P2RY8: variants seen among roughly 807,000 people sequenced by gnomAD.
P2RY8 encodes the protein P2Y receptor family member 8.
In P2RY8, 6 loss-of-function variants were observed where a neutral mutation model predicts 10.0. The observed-to-expected ratio is 0.60, with a 90% CI of 0.33 to 1.19. The LOEUF is 1.19. Among genes scored for constraint, P2RY8 ranks in the 50% most tolerant of loss-of-function variants. P2RY8 has a pLI of 0.04. For synonymous variants in P2RY8, 276 were observed against 252.5 expected (o/e 1.09, Z -0.88); for missense variants, 456 against 542.0 (o/e 0.84, Z 1.58).
Position 1,464,921 on chromosome X carries a change from C to T in P2RY8, c.*558G>A. ...AAATAAACAGAAATTTCGGCGTGCA[C>T]CGGGCTACGGAGACCAGAACCCCTG... On this transcript the variant is annotated 3_prime_UTR_variant, in exon 2 of 2. Coordinates refer to ENST00000381297, the MANE Select transcript of P2RY8 (RefSeq NM_178129.5). 4.3e-6 allele frequency: 1 copy of T among 234,900 alleles called. No homozygotes were observed. The highest frequency in any genetic ancestry group is 8.4e-6 in the Non-Finnish European group (1 of 119,280). The allele number at this position is 234,900 out of a possible 1,614,324, so 14.6% of individuals were successfully genotyped here. A position where few individuals can be genotyped will look rare whatever the true frequency, so the allele number is the denominator to read the frequency against.
chrX:1,467,193 C>G (rs1422977956), intron 1 of P2RY8, among the ~76,000 whole-genome samples: 1 of 152,164 alleles, frequency 6.6e-6, no homozygotes, highest in Non-Finnish European at 1.5e-5. Flanking sequence ...AGAAAACACA[C>G]ACTCCGAGTG....
chrX:1,516,362 A>G (rs1413503930), intron 1 of P2RY8, among the ~76,000 whole-genome samples: 1 of 152,154 alleles, frequency 6.6e-6, no homozygotes, highest in Admixed American at 6.5e-5. Flanking sequence ...CGGTGTCTAC[A>G]AGCCCAGGAG....
intron 1 of P2RY8, among the ~76,000 whole-genome samples, chrX:1,473,377 G>A (rs2091821350): frequency 8.5e-6 from 1 of 118,332 alleles, no homozygotes. Context: ...GGGTGAGTGG[G>A]TGGGTGGGTG....
intron 1 of P2RY8, among the ~76,000 whole-genome samples, chrX:1,502,083 G>T (rs2149398262): frequency 6.6e-6 from 1 of 151,792 alleles, no homozygotes; most frequent in South Asian, 2.1e-4. Context: ...GCTCATTTTT[G>T]TATTATTAGT....
chrX:1,475,387 G>T (rs1466421278), intron 1 of P2RY8, among the ~76,000 whole-genome samples: 3 of 152,062 alleles, frequency 2.0e-5, no homozygotes, highest in Admixed American at 2.0e-4. Flanking sequence ...ACCAGAAGCT[G>T]CAGCAAAGCT....
chrX:1,498,638 C>T (rs1162767991), intron 1 of P2RY8, among the ~76,000 whole-genome samples: 1 of 151,014 alleles, frequency 6.6e-6, no homozygotes, highest in Non-Finnish European at 1.5e-5. Context: ...CTGCCTCAGC[C>T]TCCTGAGTAG....
At chrX:1,504,088 C>A (rs748050646) in intron 1 of P2RY8, among the ~76,000 whole-genome samples, 1 of 151,690 alleles carries the variant, frequency 6.6e-6, no homozygotes, top group Non-Finnish European at 1.5e-5. Context: ...GAGGCCGAGG[C>A]GGGCGGATCA....
intron 1 of P2RY8, among the ~76,000 whole-genome samples, chrX:1,504,110 A>T (rs4595307): frequency 6.6e-6 from 1 of 151,992 alleles, no homozygotes; most frequent in Admixed American, 6.6e-5. Context: ...GAGGTCAGGA[A>T]TTCGAGACCA....
intron 1 of P2RY8, among the ~76,000 whole-genome samples, chrX:1,472,910 A>G (rs1455363976): frequency 3.9e-5 from 4 of 102,282 alleles, no homozygotes; most frequent in African/African-American, 1.5e-4. Flanking sequence ...TGATGAATGG[A>G]TGTGGATGGG....
chrX:1,524,033 A>C (rs1186795597), intron 1 of P2RY8, among the ~76,000 whole-genome samples: 1 of 152,208 alleles, frequency 6.6e-6, no homozygotes, highest in East Asian at 1.9e-4. Flanking sequence ...TCAATAAATT[A>C]AAACAAATAA....
At chrX:1,493,447 A>AAGG (rs1556679319) in intron 1 of P2RY8, among the ~76,000 whole-genome samples, 7 of 79,858 alleles carry the variant, frequency 8.8e-5, no homozygotes, top group Non-Finnish European at 1.2e-4. Context: ...AAGGAGGAGG[A>AAGG]AGGAGGAAGG....
intron 1 of P2RY8, among the ~76,000 whole-genome samples, chrX:1,500,971 C>T (rs1438868914): frequency 6.6e-6 from 1 of 152,300 alleles, no homozygotes; most frequent in East Asian, 1.9e-4. Flanking sequence ...CCAGGCCAAG[C>T]AGCTGGGGCC....
chrX:1,534,672 G>A (rs1345031755), intron 1 of P2RY8, among the ~76,000 whole-genome samples: 8 of 152,152 alleles, frequency 5.3e-5, no homozygotes, highest in Non-Finnish European at 1.2e-4. Context: ...GAGAGGCAGG[G>A]CTGAAGGAGA....
At position 1,472,117 on chromosome X, in the gene P2RY8, A is replaced by G. The variant is rs750244588; in HGVS notation, c.-24-5535T>C. Among the ~76,000 whole-genome samples, 3 of 152,164 alleles carry G rather than the reference A, an allele frequency of 2.0e-5. No individual in the cohort carries two copies. In the South Asian group the frequency reaches 6.2e-4, roughly 32 times the overall value. ...CAATTACCTACTTTGATTACGTAGA[A>G]GGAAGTTGTCGTGGGCCACACCCTG... On this transcript the variant is annotated intron_variant, in intron 1 of 1. Transcript: ENST00000381297.
intron 1 of P2RY8, among the ~76,000 whole-genome samples, chrX:1,484,724 T>TAAAAAAAAAAAAAAA (rs1171758279): frequency 7.2e-4 from 12 of 16,780 alleles, no homozygotes; most frequent in East Asian, 4.1e-3. Flanking sequence ...CAAAACCCTG[T>TAAAAAAAAAAAAAAA]AAAAAAAAAA....
intron 1 of P2RY8, among the ~76,000 whole-genome samples, chrX:1,531,864 C>A (rs192275041): frequency 6.6e-6 from 1 of 152,154 alleles, no homozygotes; most frequent in African/African-American, 2.4e-5. Context: ...TGTGACATCA[C>A]CTCACTCCTG....
In P2RY8 at chrX:1,532,285, T is replaced by C. The variant is rs530398430; in HGVS notation, c.-25+4636A>G. Among the ~76,000 whole-genome samples, 20 of 142,748 alleles carry C rather than the reference T, an allele frequency of 1.4e-4. 1 individual carries two copies. The highest frequency in any genetic ancestry group is 1.3e-3 in the East Asian group (6 of 4,732). The allele number at this position is 142,748 out of a possible 152,430, so 93.6% of individuals were successfully genotyped here. On this transcript the variant is annotated intron_variant, in intron 1 of 1. Transcript: ENST00000381297. ...TGACACACACACAAACACACACACA[T>C]ATATGTCATATATATGTGTGCCATA...
At chrX:1,479,922 C>A (rs1271477115) in intron 1 of P2RY8, among the ~76,000 whole-genome samples, 1 of 152,154 alleles carries the variant, frequency 6.6e-6, no homozygotes, top group Non-Finnish European at 1.5e-5. Context: ...TAAAATCTGA[C>A]AACTCACACA....
At chrX:1,524,685 C>T (rs2092424678) in intron 1 of P2RY8, among the ~76,000 whole-genome samples, 1 of 121,672 alleles carries the variant, frequency 8.2e-6, no homozygotes, top group African/African-American at 3.0e-5. Context: ...ATCCATCCAT[C>T]CATCCATCCA....
Sources: gnomAD v4.1 joint callset for allele counts (sites outside exome capture counted in the v4.1 genomes callset) on GRCh38, gnomAD v4.1.1 for gene constraint, MANE v1.5 for transcripts, NCBI Gene and HGNC (gene_info 2026-07-23, HGNC 2026-07-21) for gene names.